ANKIB1: variants seen among roughly 807,000 people sequenced by gnomAD.
ANKIB1 encodes ankyrin repeat and IBR domain-containing protein 1.
ANKIB1 carries 43 observed loss-of-function variants against 122.1 expected under a neutral mutation model. That is an observed-to-expected ratio of 0.35 (90% confidence interval 0.28 to 0.45). The LOEUF (loss-of-function observed/expected upper bound fraction) is 0.45. Among genes scored for constraint, ANKIB1 ranks in the 20% least tolerant of loss-of-function variants. The pLI is 1.00. For synonymous variants in ANKIB1, 390 were observed against 442.0 expected, an observed-to-expected ratio of 0.88 and a Z score of 1.48; for missense variants, 992 against 1,329.5, an observed-to-expected ratio of 0.75 and a Z score of 3.95.
intron 7 of ANKIB1, 93 bp from the exon 8 acceptor site, chr7:92,350,857 T>TA (rs970640682): frequency 0.06 from 57,086 of 954,126 alleles, no homozygotes; most frequent in South Asian, 0.078. Context: ...ACCCTGTCTC[T>TA]AAAAAAAAAA....
chr7:92,340,730 A>T (rs1011047674), intron 5 of ANKIB1, among the ~76,000 whole-genome samples: 1 of 152,208 alleles, frequency 6.6e-6, no homozygotes, highest in African/African-American at 2.4e-5. Flanking sequence ...TGGAAACAAT[A>T]TTAGCTAATG....
intron 1 of ANKIB1, among the ~76,000 whole-genome samples, chr7:92,280,344 A>G (rs1194854946): frequency 3.9e-5 from 6 of 152,060 alleles, no homozygotes; most frequent in Non-Finnish European, 7.4e-5. Context: ...TTATAGATTC[A>G]TATTACAGTG....
chr7:92,269,099 A>G (rs182696554), intron 1 of ANKIB1, among the ~76,000 whole-genome samples: 302 of 152,358 alleles, frequency 2.0e-3, no homozygotes, highest in African/African-American at 6.8e-3. Context: ...ATTTTATAAT[A>G]CAATTGAAAG....
chr7:92,299,550 T>C (rs1355812075), intron 2 of ANKIB1, among the ~76,000 whole-genome samples: 1 of 152,194 alleles, frequency 6.6e-6, no homozygotes, highest in African/African-American at 2.4e-5. Context: ...CTTTCCTAAC[T>C]ATATAAAGGC....
intron 8 of ANKIB1, among the ~76,000 whole-genome samples, chr7:92,351,720 G>GTTTTT (rs1018424517): frequency 8.6e-6 from 1 of 116,638 alleles, no homozygotes; most frequent in Non-Finnish European, 1.8e-5. Flanking sequence ...TTTTTTTTTT[G>GTTTTT]TTTTTTTTTT....
At chr7:92,376,179 G>C (rs953459778) in intron 11 of ANKIB1, among the ~76,000 whole-genome samples, 1 of 152,188 alleles carries the variant, frequency 6.6e-6, no homozygotes, top group Non-Finnish European at 1.5e-5. Context: ...TGGTAAATGA[G>C]CATTGGCTTC....
At chr7:92,262,389 G>C (rs930140931) in intron 1 of ANKIB1, among the ~76,000 whole-genome samples, 9 of 152,124 alleles carry the variant, frequency 5.9e-5, no homozygotes, top group Non-Finnish European at 1.0e-4. Context: ...AGGAAAAAAA[G>C]CCTGGGTTCA....
chr7:92,286,760 G>C (rs1415268311), intron 1 of ANKIB1, among the ~76,000 whole-genome samples: 1 of 152,174 alleles, frequency 6.6e-6, no homozygotes, highest in Non-Finnish European at 1.5e-5. Context: ...ACAGGCGTGA[G>C]CCACCACGCC....
At chr7:92,323,733 A>T (rs945876957) in intron 4 of ANKIB1, among the ~76,000 whole-genome samples, 1 of 152,232 alleles carries the variant, frequency 6.6e-6, no homozygotes, top group African/African-American at 2.4e-5. Context: ...AAGATGTGAG[A>T]TATACACACA....
At chr7:92,306,603 T>A (rs1259655168) in intron 2 of ANKIB1, among the ~76,000 whole-genome samples, 1 of 151,954 alleles carries the variant, frequency 6.6e-6, no homozygotes, top group African/African-American at 2.4e-5. Context: ...TTCCACCATG[T>A]GAGAGAACAC....
At chr7:92,286,513 T>G (rs1802128070) in intron 1 of ANKIB1, among the ~76,000 whole-genome samples, 1 of 151,778 alleles carries the variant, frequency 6.6e-6, no homozygotes, top group Non-Finnish European at 1.5e-5. Context: ...GAGTTTCGCT[T>G]TTGTTGCCCA....
intron 3 of ANKIB1, among the ~76,000 whole-genome samples, chr7:92,313,874 C>T (rs923489415): frequency 2.0e-5 from 3 of 152,066 alleles, no homozygotes; most frequent in African/African-American, 4.8e-5. Flanking sequence ...CTCAGACATA[C>T]GCAGATTGAA....
chr7:92,373,373 G>T (rs1804315164), intron 11 of ANKIB1, among the ~76,000 whole-genome samples: 1 of 152,046 alleles, frequency 6.6e-6, no homozygotes, highest in Non-Finnish European at 1.5e-5. Context: ...ACACCTACTG[G>T]TAGTAAATAC....
rs760702709 is a variant in ANKIB1 at position 92,398,987 on chromosome 7, A to T, written c.*38A>T. ...TGGGCTCTAAATGAATTACAGGTAC[A>T]GATGGTATGCTAGGTGGAGTATGCT... is the stretch of plus-strand genomic sequence containing the variant. On this transcript the variant is annotated 3_prime_UTR_variant, in exon 20 of 20. Coordinates refer to ENST00000265742, the MANE Select transcript of ANKIB1 (RefSeq NM_019004.2). The T allele has an allele frequency of 2.0e-6, 3 of 1,510,662 alleles. No homozygotes were observed. The highest frequency in any genetic ancestry group is 2.3e-5 in the East Asian group (1 of 43,586). The allele number at this position is 1,510,662 out of a possible 1,614,324, so 93.6% of individuals were successfully genotyped here.
intron 10 of ANKIB1, among the ~76,000 whole-genome samples, chr7:92,367,432 T>C (rs888203040): frequency 2.0e-5 from 3 of 152,162 alleles, no homozygotes; most frequent in African/African-American, 7.2e-5. Context: ...AAATGATATT[T>C]CAAAAAGGAA....
At chr7:92,361,309 A>G (rs1303800594) in intron 9 of ANKIB1, among the ~76,000 whole-genome samples, 3 of 152,240 alleles carry the variant, frequency 2.0e-5, no homozygotes, top group African/African-American at 7.2e-5. Flanking sequence ...AAAATTTCCC[A>G]AATTCCAATA....
chr7:92,250,936 G>T (rs1324579847), intron 1 of ANKIB1, among the ~76,000 whole-genome samples: 5 of 152,140 alleles, frequency 3.3e-5, no homozygotes, highest in Non-Finnish European at 4.4e-5. Context: ...TCAGGATAAT[G>T]ATTTTTACTA....
chr7:92,379,544 G>T (rs1383691449), intron 11 of ANKIB1, among the ~76,000 whole-genome samples: 4 of 151,828 alleles, frequency 2.6e-5, no homozygotes, highest in Admixed American at 6.6e-5. Flanking sequence ...CATGAAACAG[G>T]ATAAAAAGAA....
chr7:92,290,313 T>C (rs1802218344), intron 1 of ANKIB1, among the ~76,000 whole-genome samples: 1 of 151,922 alleles, frequency 6.6e-6, no homozygotes. Context: ...AGATTTAAGG[T>C]TGTTGTTATC....
Sources: gnomAD v4.1 joint callset for allele counts (sites outside exome capture counted in the v4.1 genomes callset) on GRCh38, gnomAD v4.1.1 for gene constraint, MANE v1.5 for transcripts, NCBI Gene and HGNC (gene_info 2026-07-23, HGNC 2026-07-21) for gene names.